The following BECN1 variants were observed in gnomAD, a reference collection of about 807,000 sequenced individuals.
BECN1 encodes beclin-1.
A neutral mutation model predicts 60.1 loss-of-function variants in BECN1; 15 were observed. The observed-to-expected ratio is 0.25, with a 90% CI of 0.17 to 0.38. The LOEUF (loss-of-function observed/expected upper bound fraction) is 0.38, where lower values mean the gene tolerates loss of function less well. Ranked by LOEUF, BECN1 falls within the 10% of genes least tolerant of loss-of-function variation. The pLI is 1.00. For missense variants in BECN1, 424 were observed against 548.2 expected (o/e 0.77, Z 2.26); for synonymous variants, 179 against 201.8 (o/e 0.89, Z 0.96).
At chr17:42,819,445 T>C in intron 4 of BECN1, 103 bp downstream of exon 4, 1 of 1,275,858 alleles carries the variant, frequency 7.8e-7, no homozygotes, top group Non-Finnish European at 1.1e-6. Flanking sequence ...AAAGGCTAGG[T>C]GATGATGCAT....
At chr17:42,811,600 C>T in intron 11 of BECN1, 55 bp downstream of exon 11, 1 of 1,564,502 alleles carries the variant, frequency 6.4e-7, no homozygotes, top group African/African-American at 1.4e-5. Flanking sequence ...ACTGCTGCTT[C>T]AATTCTGTTC....
At chr17:42,821,696 AT>A (rs1478904571) in intron 2 of BECN1, among the ~76,000 whole-genome samples, 1 of 152,234 alleles carries the variant, frequency 6.6e-6, no homozygotes, top group East Asian at 1.9e-4. Flanking sequence ...TACAGCTAAG[AT>A]TCATACATTT....
At position 42,821,052 on chromosome 17, in the gene BECN1, C is replaced by CATT. The variant is rs71917375; in HGVS notation, c.131-214_131-212dup. ...TCAATTTTTTAAGGCATAATGGTAT[C>CATT]ATTATTATTATTATTATTATTACTT... On this transcript the variant is annotated intron_variant, in intron 2 of 11. Transcript: ENST00000590099. 3.6e-3 allele frequency among the ~76,000 whole-genome samples: 534 copies of CATT among 147,146 alleles called. 2 individuals are homozygous for CATT. The highest frequency in any genetic ancestry group is 7.0e-3 in the Admixed American group (104 of 14,896).
At position 42,820,780 on chromosome 17, in the gene BECN1, T is replaced by C; in HGVS notation, c.192A>G (p.Ser64=). 1 of 1,588,634 alleles carries C rather than the reference T, an allele frequency of 6.3e-7. No individual in the cohort carries two copies. The highest frequency in any genetic ancestry group is 8.6e-7 in the Non-Finnish European group (1 of 1,165,842). The change falls in exon 3 of 12, where the codon TCA becomes TCG. Residue 64 remains serine (S), a synonymous_variant. Coordinates refer to ENST00000590099, the MANE Select transcript of BECN1 (RefSeq NM_001313998.2). ...PGETQEEETN[S]GEEPFIETPR... ...GAGAGGGCACTTCTATTACCTCTCC[T>C]GAGTTAGTCTCTTCCTCCTGGGTCT...
At chr17:42,811,575 T>TTTA in intron 11 of BECN1, 80 bp downstream of exon 11, 2 of 1,536,432 alleles carry the variant, frequency 1.3e-6, no homozygotes, top group Non-Finnish European at 1.8e-6. Context: ...TTTATACTGT[T>TTTA]TTGCCTCCAT....
chr17:42,813,216 T>G (rs2055070635), intron 10 of BECN1, among the ~76,000 whole-genome samples: 1 of 151,844 alleles, frequency 6.6e-6, no homozygotes, highest in Non-Finnish European at 1.5e-5. Context: ...TTGTATGAAA[T>G]TACCTCAGAC....
At chr17:42,821,662 C>T (rs2055266550) in intron 2 of BECN1, among the ~76,000 whole-genome samples, 2 of 152,286 alleles carry the variant, frequency 1.3e-5, no homozygotes, top group Non-Finnish European at 1.5e-5. Flanking sequence ...CAGATTACAT[C>T]AGTGTATCCA....
intron 7 of BECN1, 91 bp from the exon 8 acceptor site, chr17:42,816,145 T>A: frequency 7.7e-7 from 1 of 1,302,318 alleles, no homozygotes; most frequent in Non-Finnish European, 1.0e-6. Context: ...TTAGTGATCA[T>A]CGTTACATCT....
intron 10 of BECN1, chr17:42,812,101 T>C (rs1215856237): frequency 1.1e-5 from 3 of 271,202 alleles, no homozygotes; most frequent in African/African-American, 2.2e-5. Flanking sequence ...AATAAATAAA[T>C]AGACCAGGAG....
chr17:42,819,743 G>T, intron 3 of BECN1, 134 bp from the exon 4 acceptor site: 2 of 849,196 alleles, frequency 2.4e-6, no homozygotes, highest in Non-Finnish European at 3.7e-6. Flanking sequence ...CTTAAAAAAT[G>T]GGTATTATCG....
At chr17:42,811,617 G>A in intron 11 of BECN1, 38 bp downstream of exon 11, 1 of 1,584,636 alleles carries the variant, frequency 6.3e-7, no homozygotes, top group Non-Finnish European at 8.6e-7. Context: ...GTTCAATTTG[G>A]TCCTATACAA....
chr17:42,812,129 A>G (rs1237224300), intron 10 of BECN1: 1 of 204,032 alleles, frequency 4.9e-6, no homozygotes, highest in Non-Finnish European at 9.8e-6. Context: ...TCACGCCTGT[A>G]ATCCCAGCAC....
rs116731739 is a variant in BECN1 at position 42,818,186 on chromosome 17, C to T, written c.683+35G>A. The T allele has an allele frequency of 1.9e-3, 2,968 of 1,600,888 alleles. 24 individuals carry two copies. The African/African-American group carries it at 0.027, about 15-fold the overall frequency. On this transcript the variant is annotated intron_variant, in intron 7 of 11. Coordinates refer to ENST00000590099, the MANE Select transcript of BECN1 (RefSeq NM_001313998.2). ...GAAGCCATTTCCTCTCCTGGAGCCT[C>T]GAGTGTGAGAAGATAGAACAGGGTG...
At chr17:42,811,535 A>G in intron 11 of BECN1, 120 bp downstream of exon 11, 1 of 1,337,858 alleles carries the variant, frequency 7.5e-7, no homozygotes, top group Non-Finnish European at 1.0e-6. Flanking sequence ...ATGTCATGTG[A>G]TTCTGTGCCA....
chr17:42,823,772 G>A lies in BECN1; in HGVS notation c.106C>T (p.Arg36Cys). Residue 36 changes from arginine to cysteine, a missense_variant, in exon 2 of 12, where the codon CGT becomes TGT. Around this residue, in one of 3 missense-constraint regions of BECN1, gnomAD observed 96 missense variants for 125.6 expected, o/e 0.76. Coordinates refer to ENST00000590099, the MANE Select transcript of BECN1 (RefSeq NM_001313998.2). ...CCTGTGAGTTCCTGGATGGTGACACGGTCCAGGATCTTGAAACTCGTGTCC... is the reference window on the plus strand; with the variant it reads ...CCTGTGAGTTCCTGGATGGTGACACAGTCCAGGATCTTGAAACTCGTGTCC... The part of the protein sequence containing the change: ...KLDTSFKILD[R>C]VTIQELTAPL... The A allele has an allele frequency of 6.2e-7, 1 of 1,613,912 alleles. No homozygotes were observed. The highest frequency in any genetic ancestry group is 8.5e-7 in the Non-Finnish European group (1 of 1,179,916).
chr17:42,822,016 C>T (rs1163868889), intron 2 of BECN1, among the ~76,000 whole-genome samples: 1 of 152,126 alleles, frequency 6.6e-6, no homozygotes, highest in Non-Finnish European at 1.5e-5. Flanking sequence ...ACCATCCTGG[C>T]CAACATAGTG....
At position 42,815,897 on chromosome 17, in the gene BECN1, G is replaced by C; in HGVS notation, c.830+11C>G. On this transcript the variant is annotated intron_variant, in intron 8 of 11. Transcript: ENST00000590099. ...TATGTGCAGTGCTCCTCATCCCCTA[G>C]CTCTCATTACCAGATGTGGAAGGTT... is the stretch of plus-strand genomic sequence containing the variant. 6.2e-7 allele frequency: 1 copy of C among 1,614,170 alleles called. No individual in the cohort carries two copies. The highest frequency in any genetic ancestry group is 8.5e-7 in the Non-Finnish European group (1 of 1,180,022).
chr17:42,819,682 A>G, intron 3 of BECN1, 73 bp from the exon 4 acceptor site: 2 of 1,463,728 alleles, frequency 1.4e-6, no homozygotes, highest in South Asian at 1.2e-5. Context: ...ACAGCCTCAG[A>G]ACTATATGGC....
rs28800351 is a variant in BECN1 at position 42,812,874 on chromosome 17, G to A, written c.1041+1074C>T. ...TTTTGAGACAGAGGCTTGCTTTGTCGCCCAGGCTGGAGTGCAGTGGCGCAA... is the reference window on the plus strand; with the variant it reads ...TTTTGAGACAGAGGCTTGCTTTGTCACCCAGGCTGGAGTGCAGTGGCGCAA... On this transcript the variant is annotated intron_variant, in intron 10 of 11. Coordinates refer to ENST00000590099, the MANE Select transcript of BECN1 (RefSeq NM_001313998.2). 12 of 106,272 alleles carry A rather than the reference G, an allele frequency of 1.1e-4. No homozygotes were observed. The East Asian group carries it at 2.5e-3, about 22-fold the overall frequency. The allele number at this position is 106,272 out of a possible 1,614,324, so 6.6% of individuals were successfully genotyped here. A position where few individuals can be genotyped will look rare whatever the true frequency, so the allele number is the denominator to read the frequency against.
Sources: gnomAD v4.1 joint callset for allele counts (sites outside exome capture counted in the v4.1 genomes callset) on GRCh38, gnomAD v4.1.1 for gene constraint, gnomAD v4.1.1 regional missense constraint, MANE v1.5 for transcripts, NCBI Gene and HGNC (gene_info 2026-07-23, HGNC 2026-07-21) for gene names.